Variants in SELENOI observed in about 807,000 individuals in gnomAD.
SELENOI encodes ethanolaminephosphotransferase 1.
In SELENOI, 24 loss-of-function variants were observed where a neutral mutation model predicts 50.7. The ratio of observed to expected loss-of-function variants is 0.47; its 90% CI spans 0.34 to 0.67. SELENOI has a LOEUF of 0.67. SELENOI is among the 30% of genes least tolerant of loss of function. The pLI, the probability that SELENOI is intolerant of heterozygous loss-of-function variation, is 0.01. For synonymous variants in SELENOI, 155 were observed against 170.2 expected, an observed-to-expected ratio of 0.91 and a Z score of 0.70; for missense variants, 352 against 461.4, an observed-to-expected ratio of 0.76 and a Z score of 2.17.
chr2:26,350,170 TATG>T (rs1289681154), intron 1 of SELENOI, among the ~76,000 whole-genome samples: 1 of 132,026 alleles, frequency 7.6e-6, no homozygotes, highest in Non-Finnish European at 1.6e-5. Flanking sequence ...TTTTTGATAT[TATG>T]GTAATTAATT....
chr2:26,359,927 T>C (rs573749827), intron 1 of SELENOI, among the ~76,000 whole-genome samples: 1 of 152,238 alleles, frequency 6.6e-6, no homozygotes, highest in African/African-American at 2.4e-5. Flanking sequence ...TCTGAGGTTT[T>C]TCATGGAACG....
chr2:26,372,681 G>A (rs1249284199), intron 4 of SELENOI, among the ~76,000 whole-genome samples: 2 of 152,182 alleles, frequency 1.3e-5, no homozygotes, highest in African/African-American at 4.8e-5. Context: ...AAGTTGTGAT[G>A]AATTACTATG....
At chr2:26,383,576 C>A (rs1461270654) in intron 7 of SELENOI, among the ~76,000 whole-genome samples, 3 of 152,052 alleles carry the variant, frequency 2.0e-5, no homozygotes, top group Non-Finnish European at 4.4e-5. Flanking sequence ...GTTTTGGACT[C>A]ATCAAATAGT....
intron 4 of SELENOI, among the ~76,000 whole-genome samples, chr2:26,370,873 C>CG (rs1453673088): frequency 3.1e-5 from 4 of 127,586 alleles, no homozygotes; most frequent in South Asian, 5.0e-4. Flanking sequence ...GCTGGCCAGG[C>CG]GGGGGGCTGA....
chr2:26,356,537 G>A (rs1677068302), intron 1 of SELENOI, among the ~76,000 whole-genome samples: 1 of 151,984 alleles, frequency 6.6e-6, no homozygotes, highest in Admixed American at 6.5e-5. Context: ...AAATTAAGGG[G>A]GACTCATTTC....
rs1240113155 is a variant in SELENOI, at chr2:26,370,573, C to T, written c.311-2794C>T. 5.7e-3 allele frequency among the ~76,000 whole-genome samples: 386 copies of T among 67,412 alleles called. 7 individuals carry two copies. Among genetic ancestry groups the T allele is most frequent in the African/African-American group, 0.018 (335 of 19,014 alleles). The allele number at this position is 67,412 out of a possible 152,430, so 44.2% of individuals were successfully genotyped here. ...CCCAGTAGGGGCCACCGGGCAGAGGCGCCCCTCACCTCCCGGACGGGGCGG... is the reference window on the plus strand; with the variant it reads ...CCCAGTAGGGGCCACCGGGCAGAGGTGCCCCTCACCTCCCGGACGGGGCGG... On this transcript the variant is annotated intron_variant, in intron 4 of 9. Coordinates refer to ENST00000260585, the MANE Select transcript of SELENOI (RefSeq NM_033505.4).
intron 9 of SELENOI, 45 bp downstream of exon 9, chr2:26,386,581 T>A (rs1010642395): frequency 6.9e-7 from 1 of 1,448,220 alleles, no homozygotes; most frequent in Non-Finnish European, 9.2e-7. Flanking sequence ...GGCTTATAAA[T>A]GGCACCAATA....
intron 4 of SELENOI, among the ~76,000 whole-genome samples, chr2:26,371,114 C>G (rs1226970523): frequency 2.0e-5 from 3 of 148,394 alleles, no homozygotes; most frequent in Admixed American, 6.6e-5. Flanking sequence ...GCTGACCCCC[C>G]CACCTCCCTC....
intron 4 of SELENOI, among the ~76,000 whole-genome samples, chr2:26,371,422 G>C (rs1453824231): frequency 1.3e-5 from 2 of 151,942 alleles, no homozygotes; most frequent in African/African-American, 2.4e-5. Flanking sequence ...ATGTGATGGC[G>C]GCCGGGAAGA....
At chr2:26,366,218 G>A (rs55954523) in intron 3 of SELENOI, among the ~76,000 whole-genome samples, 52,319 of 151,980 alleles carry the variant, frequency 0.34, 10,999 homozygotes, top group Non-Finnish European at 0.48. Flanking sequence ...AGTTGGAAAT[G>A]CCAACTCTGA....
Position 26,390,311 on chromosome 2 carries a change from A to G in SELENOI, c.*1208A>G, listed in dbSNP as rs986216390. The G allele has an allele frequency of 6.6e-6, 1 of 152,140 alleles. No homozygotes were observed. The highest frequency in any genetic ancestry group is 2.4e-5 in the African/African-American group (1 of 41,264). 9.4% of individuals were successfully genotyped at this position (152,140 alleles called of 1,614,324 possible). A position where few individuals can be genotyped will look rare whatever the true frequency, so the allele number is the denominator to read the frequency against. On this transcript the variant is annotated 3_prime_UTR_variant, in exon 10 of 10. Transcript: ENST00000260585. ...TATTTTCTTCTATTTCTTTGTCTTC[A>G]TTTAATTTGGTGGTGGTGAACTTTA...
Position 26,367,212 on chromosome 2 carries a change from A to G in SELENOI, c.302A>G (p.Tyr101Cys). Reference protein sequence around the residue: ...IVVGILNFVAYTLDGVDGKQA... With the variant: ...IVVGILNFVACTLDGVDGKQA... ...GTGGGCATCCTCAACTTCGTAGCCTACACTCTAGGTAAGGAATTGGTAAAT... is the reference window on the plus strand; with the variant it reads ...GTGGGCATCCTCAACTTCGTAGCCTGCACTCTAGGTAAGGAATTGGTAAAT... Residue 101 changes from tyrosine to cysteine, a missense_variant, in exon 4 of 10, where the codon TAC (tyrosine) becomes TGC (cysteine). Physicochemically the swap from Tyr to Cys is radical, Grantham distance 194. Transcript: ENST00000260585. 1 of 1,608,832 alleles carries G rather than the reference A, an allele frequency of 6.2e-7. No individual in the cohort carries two copies. The highest frequency in any genetic ancestry group is 8.5e-7 in the Non-Finnish European group (1 of 1,177,442).
intron 1 of SELENOI, among the ~76,000 whole-genome samples, chr2:26,349,857 C>G (rs1676916264): frequency 7.0e-6 from 1 of 142,862 alleles, no homozygotes. Context: ...CCTGTAATCC[C>G]AACACTTCCG....
chr2:26,368,106 T>G (rs947630604), intron 4 of SELENOI, among the ~76,000 whole-genome samples: 4 of 152,198 alleles, frequency 2.6e-5, no homozygotes, highest in African/African-American at 4.8e-5. Flanking sequence ...TCTCTTCAGA[T>G]AAAAGTGACT....
chr2:26,373,695 G>T, intron 5 of SELENOI, 66 bp downstream of exon 5: 1 of 1,502,356 alleles, frequency 6.7e-7, no homozygotes, highest in South Asian at 1.3e-5. Flanking sequence ...TTTTGTCATT[G>T]CTTATTTATT....
intron 2 of SELENOI, 136 bp from the exon 3 acceptor site, chr2:26,364,696 G>T: frequency 1.6e-6 from 1 of 611,874 alleles, no homozygotes; most frequent in Non-Finnish European, 2.8e-6. Flanking sequence ...TATCGTTTAC[G>T]TGTTAATGTC....
chr2:26,359,966 A>G (rs72852730), intron 1 of SELENOI, among the ~76,000 whole-genome samples: 177 of 152,252 alleles, frequency 1.2e-3, no homozygotes, highest in African/African-American at 4.0e-3. Flanking sequence ...TGTGGTCCTC[A>G]AGCAGTTTTG....
chr2:26,373,333 G>A (rs562243032), intron 4 of SELENOI, 34 bp from the exon 5 acceptor site: 14 of 1,585,816 alleles, frequency 8.8e-6, no homozygotes, highest in East Asian at 2.3e-5. Context: ...TGGTGCATAC[G>A]TTGAACTTTT....
At chr2:26,357,215 G>A (rs925590383) in intron 1 of SELENOI, among the ~76,000 whole-genome samples, 1 of 152,118 alleles carries the variant, frequency 6.6e-6, no homozygotes, top group African/African-American at 2.4e-5. Context: ...TTCTGTTTTT[G>A]AACTTCATAT....
Sources: allele counts gnomAD v4.1 joint callset (sites outside exome capture counted in the v4.1 genomes callset), GRCh38; gene constraint gnomAD v4.1.1; transcripts MANE v1.5; gene names NCBI Gene and HGNC (gene_info 2026-07-23, HGNC 2026-07-21).